OTUD7A: variants seen among roughly 807,000 people sequenced by gnomAD.
OTUD7A encodes OTU deubiquitinase 7A.
OTUD7A carries 12 observed loss-of-function variants against 65.7 expected under a neutral mutation model. The observed-to-expected ratio is 0.18, with a 90% CI of 0.12 to 0.30. The LOEUF (loss-of-function observed/expected upper bound fraction) is 0.30. Among genes scored for constraint, OTUD7A ranks in the 10% least tolerant of loss-of-function variants. The pLI is 1.00. For missense variants in OTUD7A, 1,148 were observed against 1,304.8 expected, an observed-to-expected ratio of 0.88 and a Z score of 1.85; for synonymous variants, 641 against 586.3, an observed-to-expected ratio of 1.09 and a Z score of -1.35.
In OTUD7A at chr15:31,480,601, T is replaced by G. The variant is rs2041103130; in HGVS notation, c.*2693A>C. ...GCAGTCAACACAGTTTTTAATAGTTTCTGGCCAGCCTGCTGAAGTTGGTCT... is the reference window on the plus strand; with the variant it reads ...GCAGTCAACACAGTTTTTAATAGTTGCTGGCCAGCCTGCTGAAGTTGGTCT... On this transcript the variant is annotated 3_prime_UTR_variant, in exon 13 of 13. Transcript: ENST00000307050. The G allele has an allele frequency of 6.6e-6, 1 of 152,290 alleles. No homozygotes were observed. The highest frequency in any genetic ancestry group is 2.4e-5 in the African/African-American group (1 of 41,470). 9.4% of individuals were successfully genotyped at this position (152,290 alleles called of 1,614,324 possible). A position where few individuals can be genotyped will look rare whatever the true frequency, so the allele number is the denominator to read the frequency against.
At chr15:31,544,949 C>T (rs1362407893) in intron 5 of OTUD7A, among the ~76,000 whole-genome samples, 109 of 151,730 alleles carry the variant, frequency 7.2e-4, no homozygotes, top group Non-Finnish European at 1.8e-4. Flanking sequence ...ATTCATTATA[C>T]ATTCTTTGAC....
At chr15:31,683,540 G>C (rs941911409) in intron 1 of OTUD7A, among the ~76,000 whole-genome samples, 1 of 152,168 alleles carries the variant, frequency 6.6e-6, no homozygotes, top group Non-Finnish European at 1.5e-5. Flanking sequence ...GAGGATAGCA[G>C]TTTCTATTTT....
intron 3 of OTUD7A, among the ~76,000 whole-genome samples, chr15:31,628,194 T>C (rs1891024321): frequency 6.6e-6 from 1 of 152,226 alleles, no homozygotes; most frequent in Non-Finnish European, 1.5e-5. Flanking sequence ...TGGTATTGCC[T>C]AGGTTTTCTT....
intron 1 of OTUD7A, among the ~76,000 whole-genome samples, chr15:31,667,491 AC>A (rs1892352661): frequency 6.6e-6 from 1 of 151,594 alleles, no homozygotes; most frequent in African/African-American, 2.4e-5. Context: ...GCCTTTTTCC[AC>A]CCCTTTACTT....
chr15:31,555,850 C>CTTTTTTTTTTTTTT (rs371140342), intron 5 of OTUD7A: 2 of 95,342 alleles, frequency 2.1e-5, no homozygotes, highest in Non-Finnish European at 1.9e-5. Flanking sequence ...TGTTCTTTTT[C>CTTTTTTTTTTTTTT]TTTTTTTTTT....
chr15:31,793,103 C>A (rs189771972), intron 1 of OTUD7A, among the ~76,000 whole-genome samples: 1 of 152,192 alleles, frequency 6.6e-6, no homozygotes, highest in African/African-American at 2.4e-5. Flanking sequence ...GGAGACTGTG[C>A]GGCTGTGCTT....
chr15:31,590,637 T>C (rs1345774508), intron 3 of OTUD7A, among the ~76,000 whole-genome samples: 1 of 152,108 alleles, frequency 6.6e-6, no homozygotes, highest in African/African-American at 2.4e-5. Flanking sequence ...TGATAAATTC[T>C]ACTTTTGGGC....
intron 1 of OTUD7A, among the ~76,000 whole-genome samples, chr15:31,825,316 G>A (rs1457075248): frequency 6.6e-6 from 1 of 152,262 alleles, no homozygotes; most frequent in East Asian, 1.9e-4. Flanking sequence ...TATCATGGCG[G>A]AAGGCAAAGA....
chr15:31,726,159 G>A (rs1287852882), intron 1 of OTUD7A, among the ~76,000 whole-genome samples: 1 of 150,766 alleles, frequency 6.6e-6, no homozygotes, highest in Non-Finnish European at 1.5e-5. Flanking sequence ...TTCCTCCCTT[G>A]TAATCTTATT....
At position 31,621,903 on chromosome 15, in the gene OTUD7A, C is replaced by A. The variant is rs1890798330; in HGVS notation, c.151+33193G>T. Among the ~76,000 whole-genome samples the A allele has an allele frequency of 1.3e-5, 2 of 152,104 alleles. 1 individual carries two copies. Among genetic ancestry groups the A allele is most frequent in the South Asian group, 4.1e-4 (2 of 4,820 alleles). ...TGGCATGTTTTTGCAGTGGCTGTAC[C>A]AGTTGTTCCTTTCCACATTTAGTGC... On this transcript the variant is annotated intron_variant, in intron 3 of 12. Transcript: ENST00000307050.
chr15:31,479,661 T>TGGGGGG lies in OTUD7A; in HGVS notation c.*3627_*3632dup, dbSNP rs56753483. The TGGGGGG allele has an allele frequency of 2.0e-3, 144 of 71,416 alleles. 1 individual carries two copies. The highest frequency in any genetic ancestry group is 6.5e-3 in the African/African-American group (135 of 20,730). 4.4% of individuals were successfully genotyped at this position (71,416 alleles called of 1,614,324 possible). Reference sequence around the variant, plus strand: ...GCAAAATAAGTTTGTGGACACTAAGTGGGGGGGGGGGGTGATGGGCCCATG... The same window carrying TGGGGGG: ...GCAAAATAAGTTTGTGGACACTAAGTGGGGGGGGGGGGGGGGGGTGATGGGCCCATG... On this transcript the variant is annotated 3_prime_UTR_variant, in exon 13 of 13. Coordinates refer to ENST00000307050, the MANE Select transcript of OTUD7A (RefSeq NM_001382637.1).
chr15:31,844,448 G>T (rs890859018), intron 1 of OTUD7A, among the ~76,000 whole-genome samples: 3 of 152,264 alleles, frequency 2.0e-5, no homozygotes, highest in Non-Finnish European at 4.4e-5. Context: ...AGTAAGCCGA[G>T]ATTGCACCAC....
intron 3 of OTUD7A, among the ~76,000 whole-genome samples, chr15:31,636,878 A>G (rs779350916): frequency 1.3e-5 from 2 of 151,448 alleles, no homozygotes; most frequent in African/African-American, 4.9e-5. Context: ...CTTCAATTCT[A>G]CGGAGGCTAA....
At chr15:31,598,462 C>T (rs538449585) in intron 3 of OTUD7A, among the ~76,000 whole-genome samples, 2 of 152,278 alleles carry the variant, frequency 1.3e-5, no homozygotes, top group East Asian at 3.9e-4. Flanking sequence ...GAACTATGCA[C>T]ACTCCGGCCC....
At chr15:31,599,229 G>A (rs548203425) in intron 3 of OTUD7A, among the ~76,000 whole-genome samples, 3 of 152,324 alleles carry the variant, frequency 2.0e-5, no homozygotes, top group African/African-American at 7.2e-5. Flanking sequence ...CTCCCAGGAG[G>A]GGCCAACAGA....
At chr15:31,510,611 C>CATATCTATATGTAACATAT (rs1223482395) in intron 8 of OTUD7A, among the ~76,000 whole-genome samples, 1 of 11,286 alleles carries the variant, frequency 8.9e-5, no homozygotes, top group African/African-American at 3.2e-4. Context: ...ATGTAACATA[C>CATATCTATATGTAACATAT]ATATGTATAT....
intron 1 of OTUD7A, chr15:31,766,317 C>G: frequency 3.7e-6 from 6 of 1,605,696 alleles, no homozygotes; most frequent in Non-Finnish European, 5.1e-6. Flanking sequence ...GGAAATCATA[C>G]GCATTAAAAG....
intron 1 of OTUD7A, among the ~76,000 whole-genome samples, chr15:31,842,957 C>T (rs187964083): frequency 2.5e-4 from 38 of 152,148 alleles, no homozygotes; most frequent in Admixed American, 1.8e-3. Context: ...AGGGAATGGA[C>T]GAGAAACTGC....
intron 1 of OTUD7A, among the ~76,000 whole-genome samples, chr15:31,674,077 TG>T (rs1426802039): frequency 1.3e-5 from 2 of 152,220 alleles, no homozygotes; most frequent in Non-Finnish European, 2.9e-5. Flanking sequence ...ACTCTAATAC[TG>T]CTTACAAGTA....
Sources: gnomAD v4.1 joint callset for allele counts (sites outside exome capture counted in the v4.1 genomes callset) on GRCh38, gnomAD v4.1.1 for gene constraint, MANE v1.5 for transcripts, NCBI Gene and HGNC (gene_info 2026-07-23, HGNC 2026-07-21) for gene names.